The following EIF4G3 variants were observed in gnomAD, a reference collection of about 807,000 sequenced individuals.
EIF4G3 encodes the protein eukaryotic translation initiation factor 4 gamma 3.
A neutral mutation model predicts 186.4 loss-of-function variants in EIF4G3; 34 were observed. The observed-to-expected ratio is 0.18, with a 90% CI of 0.14 to 0.24. The LOEUF (loss-of-function observed/expected upper bound fraction) is 0.24. EIF4G3 is among the 10% of genes least tolerant of loss of function. The pLI is 1.00. For missense variants in EIF4G3, 1,536 were observed against 1,948.5 expected, an observed-to-expected ratio of 0.79 and a Z score of 3.99; for synonymous variants, 673 against 679.5, an observed-to-expected ratio of 0.99 and a Z score of 0.15.
intron 3 of EIF4G3, among the ~76,000 whole-genome samples, chr1:21,069,470 T>C (rs2095374656): frequency 6.6e-6 from 1 of 152,240 alleles, no homozygotes; most frequent in African/African-American, 2.4e-5. Flanking sequence ...TGTCCACCAC[T>C]GCTTTCTCAC....
chr1:20,952,321 A>C (rs1380434491), intron 12 of EIF4G3, among the ~76,000 whole-genome samples: 1 of 151,834 alleles, frequency 6.6e-6, no homozygotes, highest in Non-Finnish European at 1.5e-5. Flanking sequence ...CACCCAAACT[A>C]ATTTTTTGTA....
intron 10 of EIF4G3, among the ~76,000 whole-genome samples, chr1:20,976,135 T>C (rs2076811715): frequency 6.6e-6 from 1 of 151,942 alleles, no homozygotes. Flanking sequence ...CAGAGGTTTT[T>C]TTTTTTATGT....
chr1:21,101,639 G>T (rs1397884186), intron 2 of EIF4G3, among the ~76,000 whole-genome samples: 1 of 132,722 alleles, frequency 7.5e-6, no homozygotes, highest in African/African-American at 2.8e-5. Context: ...GGAAGGAAGG[G>T]AGGGTGGGAG....
intron 2 of EIF4G3, among the ~76,000 whole-genome samples, chr1:21,130,610 C>G (rs2097135657): frequency 6.6e-6 from 1 of 152,098 alleles, no homozygotes; most frequent in South Asian, 2.1e-4. Flanking sequence ...TTATCTCAGT[C>G]TCTACTGTTC....
At chr1:20,853,456 G>A (rs1037332488) in intron 27 of EIF4G3, 104 bp downstream of exon 27, 2 of 656,036 alleles carry the variant, frequency 3.0e-6, no homozygotes, top group Admixed American at 2.7e-5. Flanking sequence ...AGGAATAAAA[G>A]GAATGCATCC....
chr1:21,154,814 T>C (rs1332466929), intron 2 of EIF4G3, among the ~76,000 whole-genome samples: 3 of 152,222 alleles, frequency 2.0e-5, no homozygotes, highest in Non-Finnish European at 4.4e-5. Context: ...ATAAAAGATG[T>C]CCTACATTTT....
intron 2 of EIF4G3, among the ~76,000 whole-genome samples, chr1:21,089,787 G>C (rs973627317): frequency 6.6e-6 from 1 of 150,722 alleles, no homozygotes; most frequent in African/African-American, 2.4e-5. Flanking sequence ...CATGAGACAG[G>C]AACTGCCAGA....
chr1:20,810,823 G>C lies in EIF4G3; in HGVS notation c.4659C>G (p.Leu1553=). The stretch of plus-strand genomic sequence containing the variant: ...TCTCTGTATCTGAGTCTAGGTACTT[G>C]AGTAAGATCGGCACTCTCTGCTTGA... The part of the protein sequence containing the change: ...AVIKQRVPIL[L]KYLDSDTEKE... Residue 1553 remains leucine (L), a synonymous_variant, in exon 36 of 37, where the codon CTC becomes CTG. Transcript: ENST00000602326. The surrounding 1 kb of genome is among the most constrained non-coding windows in gnomAD (Gnocchi z 4.1). The C allele has an allele frequency of 1.9e-6, 3 of 1,614,152 alleles. No individual in the cohort carries two copies. Among genetic ancestry groups the C allele is most frequent in the Non-Finnish European group, 2.5e-6 (3 of 1,180,004 alleles).
At chr1:20,912,964 C>T (rs929271317) in intron 14 of EIF4G3, among the ~76,000 whole-genome samples, 12 of 152,046 alleles carry the variant, frequency 7.9e-5, no homozygotes, top group African/African-American at 2.9e-4. Flanking sequence ...ATAAATTTTA[C>T]AATGAAGATG....
At chr1:21,103,072 T>C (rs1453295641) in intron 2 of EIF4G3, among the ~76,000 whole-genome samples, 3 of 152,248 alleles carry the variant, frequency 2.0e-5, no homozygotes, top group African/African-American at 7.2e-5. Context: ...TAAAAGCACA[T>C]GGATCTCCTC....
rs746075079 is a variant in EIF4G3, at chr1:21,002,715, G to C, written c.28C>G (p.Pro10Ala). 12 of 1,613,458 alleles carry C rather than the reference G, an allele frequency of 7.4e-6. No individual in the cohort carries two copies. In the Admixed American group the frequency reaches 2.0e-4, roughly 27 times the overall value. The change falls in exon 5 of 37, where the codon CCG becomes GCG. Residue 10 changes from proline (P) to alanine (A), a missense_variant and splice_region_variant. By Grantham distance (27) the Pro-to-Ala change is conservative. Around this residue, in one of 11 missense-constraint regions of EIF4G3, gnomAD observed 194 missense variants for 212.8 expected, o/e 0.91. Coordinates refer to ENST00000602326, the MANE Select transcript of EIF4G3 (RefSeq NM_001391906.1). ...GGTTCAAGCTTCTGCTTACTTACCG[G>C]AGAACGGGTTTGAGGTTGTGAATTC... MNSQPQTRS[P>A]PSRTVPIHCT...
At chr1:20,863,756 TA>T (rs754346901) in intron 22 of EIF4G3, among the ~76,000 whole-genome samples, 56 of 113,516 alleles carry the variant, frequency 4.9e-4, no homozygotes, top group African/African-American at 4.1e-4. Flanking sequence ...CCCTGTTACT[TA>T]AAAAAAAAAA....
At position 20,981,163 on chromosome 1, in the gene EIF4G3, C is replaced by A; in HGVS notation, c.263G>T (p.Arg88Leu). The change falls in exon 9 of 37, where the codon CGT becomes CTT. Residue 88 changes from arginine (R) to leucine (L), a missense_variant. Arg to Leu is a moderately radical substitution (Grantham distance 102, BLOSUM62 -2). Transcript: ENST00000602326. Reference protein sequence around the residue: ...ATIPNSSPSIRPGAQTPTAVY... With the variant: ...ATIPNSSPSILPGAQTPTAVY... ...TGCAGTGGGTGTCTGTGCACCAGGA[C>A]GAATGGAAGGACTGCTGTTCGGGAT... 6.2e-7 allele frequency: 1 copy of A among 1,612,480 alleles called. No homozygotes were observed. The highest frequency in any genetic ancestry group is 8.5e-7 in the Non-Finnish European group (1 of 1,179,710).
At chr1:20,874,926 C>T (rs1417520769) in intron 20 of EIF4G3, among the ~76,000 whole-genome samples, 1 of 152,184 alleles carries the variant, frequency 6.6e-6, no homozygotes, top group Non-Finnish European at 1.5e-5. Flanking sequence ...TTCAGTCTCT[C>T]AATCCCTCAA....
chr1:20,893,485 A>T, intron 18 of EIF4G3, 32 bp downstream of exon 18: 1 of 1,567,776 alleles, frequency 6.4e-7, no homozygotes, highest in African/African-American at 1.4e-5. Context: ...GCCAGTGTCT[A>T]ACTAAGTGAG....
intron 13 of EIF4G3, among the ~76,000 whole-genome samples, chr1:20,949,268 TA>T (rs1290072990): frequency 6.6e-6 from 1 of 152,240 alleles, no homozygotes; most frequent in Non-Finnish European, 1.5e-5. Context: ...AGATTTCCTT[TA>T]AGTTTTCTAT....
intron 4 of EIF4G3, among the ~76,000 whole-genome samples, chr1:21,007,337 G>A (rs1570832178): frequency 6.6e-6 from 1 of 151,980 alleles, no homozygotes; most frequent in East Asian, 1.9e-4. Flanking sequence ...GGCAGAGGTT[G>A]CAGTGAAACA....
intron 20 of EIF4G3, among the ~76,000 whole-genome samples, chr1:20,874,361 C>T (rs2080145444): frequency 2.6e-5 from 4 of 152,134 alleles, no homozygotes; most frequent in Admixed American, 2.0e-4. Context: ...TAATAATCGC[C>T]ATTCTGACTG....
intron 2 of EIF4G3, among the ~76,000 whole-genome samples, chr1:21,171,973 G>T (rs1208259270): frequency 6.6e-6 from 1 of 151,988 alleles, no homozygotes; most frequent in Non-Finnish European, 1.5e-5. Context: ...AGATGCACTG[G>T]GAAGGAGACC....
Sources: allele counts gnomAD v4.1 joint callset (sites outside exome capture counted in the v4.1 genomes callset), GRCh38; gene constraint gnomAD v4.1.1; regional missense constraint gnomAD v4.1.1; non-coding constraint Gnocchi (gnomAD v3.1); transcripts MANE v1.5; gene names NCBI Gene and HGNC (gene_info 2026-07-23, HGNC 2026-07-21).